GALNT13: variants seen among roughly 807,000 people sequenced by gnomAD.
GALNT13 encodes polypeptide N-acetylgalactosaminyltransferase 13.
Under a neutral mutation model 64.2 loss-of-function variants are expected in GALNT13, and 28 were observed. The observed-to-expected ratio is 0.44, with a 90% CI of 0.32 to 0.60. The LOEUF (loss-of-function observed/expected upper bound fraction) is 0.60, where lower values mean the gene tolerates loss of function less well. Ranked by LOEUF, GALNT13 falls within the 20% of genes least tolerant of loss-of-function variation. The pLI, the probability that GALNT13 is intolerant of heterozygous loss-of-function variation, is 0.05. For missense variants in GALNT13, 577 were observed against 669.8 expected, an observed-to-expected ratio of 0.86 and a Z score of 1.53; for synonymous variants, 214 against 224.6, an observed-to-expected ratio of 0.95 and a Z score of 0.42.
At chr2:153,529,205 T>TA in the GALNT13 span, among the ~76,000 whole-genome samples, 1 of 151,656 alleles carries the variant, frequency 6.6e-6, no homozygotes, top group African/African-American at 2.4e-5. Context: ...AAAATCCAAA[T>TA]AAAATCAGAG....
At chr2:154,266,111 A>G (rs2105913295) in intron 8 of GALNT13, among the ~76,000 whole-genome samples, 1 of 152,320 alleles carries the variant, frequency 6.6e-6, no homozygotes, top group South Asian at 2.1e-4. Flanking sequence ...GCCCTGAGCA[A>G]ACTATTTATA....
At chr2:153,435,437 A>G in the GALNT13 span, among the ~76,000 whole-genome samples, 24 of 151,318 alleles carry the variant, frequency 1.6e-4, no homozygotes, top group African/African-American at 4.9e-4. Context: ...CCATTTTCAC[A>G]ATATTGATTC....
intron 3 of GALNT13, among the ~76,000 whole-genome samples, chr2:154,130,065 A>T (rs992066086): frequency 6.6e-6 from 1 of 152,128 alleles, no homozygotes; most frequent in Non-Finnish European, 1.5e-5. Flanking sequence ...TAAAGAAGCA[A>T]CTGCTAGCAG....
At chr2:153,438,658 C>T in the GALNT13 span, among the ~76,000 whole-genome samples, 6 of 152,208 alleles carry the variant, frequency 3.9e-5, no homozygotes, top group Non-Finnish European at 7.3e-5. Flanking sequence ...AGTTCTCGTG[C>T]CATGGTTTTC....
chr2:154,343,137 T>A (rs1695867872), intron 9 of GALNT13, among the ~76,000 whole-genome samples: 1 of 151,944 alleles, frequency 6.6e-6, no homozygotes, highest in Admixed American at 6.6e-5. Flanking sequence ...TCCTGCCCTT[T>A]GGAGCTAAAC....
chr2:153,835,160 T>G, the GALNT13 span, among the ~76,000 whole-genome samples: 1 of 152,034 alleles, frequency 6.6e-6, no homozygotes, highest in South Asian at 2.1e-4. Flanking sequence ...CTTCTTATCC[T>G]GAGCTGACTT....
the GALNT13 span, among the ~76,000 whole-genome samples, chr2:153,259,518 A>G: frequency 6.6e-6 from 1 of 152,100 alleles, no homozygotes; most frequent in East Asian, 1.9e-4. Flanking sequence ...AGCTCCCATA[A>G]TCCCCATATG....
chr2:154,415,479 C>T (rs570331059), intron 11 of GALNT13, among the ~76,000 whole-genome samples: 3 of 152,080 alleles, frequency 2.0e-5, no homozygotes, highest in South Asian at 2.1e-4. Flanking sequence ...TAATTTATTG[C>T]GGTAAATGAT....
At chr2:153,239,047 A>G in the GALNT13 span, among the ~76,000 whole-genome samples, 10 of 151,950 alleles carry the variant, frequency 6.6e-5, no homozygotes, top group Non-Finnish European at 1.2e-4. Context: ...CTTTGTAGAA[A>G]TCTTTCACTT....
the GALNT13 span, among the ~76,000 whole-genome samples, chr2:153,686,309 T>C: frequency 3.3e-5 from 5 of 152,108 alleles, no homozygotes; most frequent in African/African-American, 1.2e-4. Context: ...GTTTGTGTCA[T>C]CTGTGATTTC....
chr2:153,535,014 C>T, the GALNT13 span, among the ~76,000 whole-genome samples: 19 of 151,324 alleles, frequency 1.3e-4, no homozygotes, highest in East Asian at 3.9e-4. Flanking sequence ...GTTGGGGCGG[C>T]GAAAATTTTT....
At chr2:153,570,312 G>T in the GALNT13 span, among the ~76,000 whole-genome samples, 9 of 152,038 alleles carry the variant, frequency 5.9e-5, no homozygotes, top group Non-Finnish European at 1.2e-4. Context: ...TTTCCCTATA[G>T]TGTTGTTTAA....
the GALNT13 span, among the ~76,000 whole-genome samples, chr2:153,511,407 T>TG: frequency 6.6e-6 from 1 of 151,952 alleles, no homozygotes; most frequent in Non-Finnish European, 1.5e-5. Flanking sequence ...AAACCGAGCA[T>TG]GGGGGTATAG....
At chr2:153,564,031 T>C in the GALNT13 span, among the ~76,000 whole-genome samples, 1 of 152,162 alleles carries the variant, frequency 6.6e-6, no homozygotes, top group Non-Finnish European at 1.5e-5. Context: ...TCTGGATTTT[T>C]GATAGTTTTG....
At chr2:153,231,094 T>G in the GALNT13 span, among the ~76,000 whole-genome samples, 1 of 152,186 alleles carries the variant, frequency 6.6e-6, no homozygotes, top group East Asian at 1.9e-4. Context: ...CTAAGCTCCT[T>G]CATCGGTTTT....
At chr2:153,188,002 G>A in the GALNT13 span, among the ~76,000 whole-genome samples, 4 of 151,918 alleles carry the variant, frequency 2.6e-5, no homozygotes, top group East Asian at 1.9e-4. Flanking sequence ...TTAAATATAA[G>A]CATGTATTCA....
chr2:153,084,463 A>G, the GALNT13 span, among the ~76,000 whole-genome samples: 1 of 152,112 alleles, frequency 6.6e-6, no homozygotes, highest in African/African-American at 2.4e-5. Flanking sequence ...CTCTTTGGTT[A>G]GGTATAGTCC....
the GALNT13 span, among the ~76,000 whole-genome samples, chr2:153,543,131 A>G: frequency 6.6e-6 from 1 of 152,220 alleles, no homozygotes. Context: ...TTGCCCAGAA[A>G]TAATCTGTTG....
the GALNT13 span, among the ~76,000 whole-genome samples, chr2:153,148,120 G>A: frequency 5.3e-5 from 8 of 151,962 alleles, no homozygotes; most frequent in Middle Eastern, 3.4e-3. Context: ...AAGAAAAGCC[G>A]CTACTTCCTT....
Sources: allele counts gnomAD v4.1 joint callset (sites outside exome capture counted in the v4.1 genomes callset), GRCh38; gene constraint gnomAD v4.1.1; transcripts MANE v1.5; gene names NCBI Gene and HGNC (gene_info 2026-07-23, HGNC 2026-07-21).